The following CTDSPL variants were observed in gnomAD, a reference collection of about 807,000 sequenced individuals.
The protein encoded by CTDSPL is CTD small phosphatase like.
In CTDSPL, 8 loss-of-function variants were observed where a neutral mutation model predicts 30.5. The observed-to-expected ratio is 0.26, with a 90% CI of 0.15 to 0.47. The LOEUF is 0.47. Among genes scored for constraint, CTDSPL ranks in the 20% least tolerant of loss-of-function variants. The pLI, the probability that CTDSPL is intolerant of heterozygous loss-of-function variation, is 0.99. For missense variants in CTDSPL, 248 were observed against 366.1 expected (o/e 0.68, Z 2.63); for synonymous variants, 110 against 137.9 (o/e 0.80, Z 1.42).
chr3:37,960,159 A>G (rs1334086218), intron 3 of CTDSPL, among the ~76,000 whole-genome samples: 2 of 152,070 alleles, frequency 1.3e-5, no homozygotes, highest in East Asian at 1.9e-4. Context: ...CAGCCTGACC[A>G]ACATGGAGAA....
intron 1 of CTDSPL, among the ~76,000 whole-genome samples, chr3:37,902,687 A>G (rs1244808779): frequency 6.6e-6 from 1 of 151,832 alleles, no homozygotes; most frequent in African/African-American, 2.4e-5. Context: ...CTCACATTCA[A>G]ACCCCCCACA....
intron 1 of CTDSPL, among the ~76,000 whole-genome samples, chr3:37,946,773 G>A (rs1323214152): frequency 7.2e-5 from 11 of 152,174 alleles, no homozygotes; most frequent in African/African-American, 2.2e-4. Context: ...CCCTGTGGGT[G>A]GGTCAGTTAA....
At chr3:37,946,638 G>A (rs1435857293) in intron 1 of CTDSPL, among the ~76,000 whole-genome samples, 7 of 152,226 alleles carry the variant, frequency 4.6e-5, no homozygotes, top group Non-Finnish European at 1.0e-4. Context: ...TATCCATAAT[G>A]GAGAGATGCT....
intron 5 of CTDSPL, among the ~76,000 whole-genome samples, chr3:37,968,805 G>T (rs760486128): frequency 1.3e-5 from 2 of 152,220 alleles, no homozygotes; most frequent in Admixed American, 1.3e-4. Context: ...CTGAGGCTCC[G>T]CCAGGGAAGG....
chr3:37,882,543 G>A (rs1199300840), intron 1 of CTDSPL, among the ~76,000 whole-genome samples: 1 of 152,048 alleles, frequency 6.6e-6, no homozygotes, highest in African/African-American at 2.4e-5. Flanking sequence ...CTTGAACCCA[G>A]GAGGCAGAGG....
rs1171998602 is a variant in CTDSPL, at chr3:37,902,805, C to T, written c.79+40527C>T. ...GGGGTCACCGGTCACCCGTTAACTA[C>T]AGGACACATTGTGGCTGCTTTCCTC... On this transcript the variant is annotated intron_variant, in intron 1 of 7. Transcript: ENST00000273179. Among the ~76,000 whole-genome samples, 5 of 152,304 alleles carry T rather than the reference C, an allele frequency of 3.3e-5. No individual in the cohort carries two copies. In the South Asian group the frequency reaches 8.3e-4, roughly 25 times the overall value.
chr3:37,941,405 TTCTA>T (rs755984524), intron 1 of CTDSPL, among the ~76,000 whole-genome samples: 2 of 149,564 alleles, frequency 1.3e-5, no homozygotes, highest in South Asian at 2.2e-4. Flanking sequence ...CATGCTTTCT[TTCTA>T]TCTTTTTTTC....
rs143987655 is a variant in CTDSPL, at chr3:37,936,920, G to A, written c.80-10137G>A. ...AAATCTGCGATGGATTACCTTCTTAGTTCTGCTCTTGTGATGAGAAAGAAG... is the reference window on the plus strand; with the variant it reads ...AAATCTGCGATGGATTACCTTCTTAATTCTGCTCTTGTGATGAGAAAGAAG... On this transcript the variant is annotated intron_variant, in intron 1 of 7. Coordinates refer to ENST00000273179, the MANE Select transcript of CTDSPL (RefSeq NM_001008392.2). 7.1e-3 allele frequency among the ~76,000 whole-genome samples: 1,085 copies of A among 151,792 alleles called. 24 individuals carry two copies. Among genetic ancestry groups the A allele is most frequent in the African/African-American group, 0.024 (1,007 of 41,516 alleles).
intron 6 of CTDSPL, among the ~76,000 whole-genome samples, chr3:37,973,132 G>A (rs565035381): frequency 3.9e-5 from 6 of 152,302 alleles, no homozygotes; most frequent in South Asian, 2.1e-4. Context: ...CAAAATCCTC[G>A]TCCTTATTTT....
In CTDSPL at chr3:37,927,929, G is replaced by T. The variant is rs563263115; in HGVS notation, c.80-19128G>T. Among the ~76,000 whole-genome samples the T allele has an allele frequency of 2.9e-4, 44 of 151,934 alleles. 1 individual carries two copies. The highest frequency in any genetic ancestry group is 8.3e-4 in the South Asian group (4 of 4,798). ...CCTGCATTAAATACCTCATGTAAGT[G>T]GAATCATACAGTATTTGTTCTGTGA... On this transcript the variant is annotated intron_variant, in intron 1 of 7. Transcript: ENST00000273179.
At chr3:37,951,987 T>C (rs1429847444) in intron 2 of CTDSPL, among the ~76,000 whole-genome samples, 1 of 152,156 alleles carries the variant, frequency 6.6e-6, no homozygotes, top group African/African-American at 2.4e-5. Context: ...AGAATATACC[T>C]GTCATCAAAT....
chr3:37,972,665 TTA>T (rs1196598815), intron 6 of CTDSPL, among the ~76,000 whole-genome samples: 5 of 152,232 alleles, frequency 3.3e-5, no homozygotes, highest in Non-Finnish European at 7.4e-5. Context: ...CCAGTATGGT[TTA>T]GTCTCCCCCT....
At chr3:37,902,864 G>C (rs1698467673) in intron 1 of CTDSPL, among the ~76,000 whole-genome samples, 1 of 152,188 alleles carries the variant, frequency 6.6e-6, no homozygotes, top group African/African-American at 2.4e-5. Context: ...AGTGCTCACT[G>C]GATCCCACAT....
chr3:37,918,038 G>C (rs954143325), intron 1 of CTDSPL, among the ~76,000 whole-genome samples: 1 of 152,166 alleles, frequency 6.6e-6, no homozygotes, highest in Non-Finnish European at 1.5e-5. Flanking sequence ...TTCTAAGTGA[G>C]GGGAGATGGG....
At chr3:37,959,382 G>T (rs1191311734) in intron 3 of CTDSPL, among the ~76,000 whole-genome samples, 1 of 152,230 alleles carries the variant, frequency 6.6e-6, no homozygotes, top group Non-Finnish European at 1.5e-5. Context: ...GAAGTTGAAA[G>T]ATTAAAGCAA....
At chr3:37,935,519 A>G (rs1471138854) in intron 1 of CTDSPL, among the ~76,000 whole-genome samples, 1 of 152,166 alleles carries the variant, frequency 6.6e-6, no homozygotes, top group African/African-American at 2.4e-5. Flanking sequence ...AATCTGGTTT[A>G]TGTCCAGCCC....
intron 3 of CTDSPL, among the ~76,000 whole-genome samples, chr3:37,960,410 G>A (rs1380367237): frequency 6.9e-6 from 1 of 145,580 alleles, no homozygotes; most frequent in Non-Finnish European, 1.5e-5. Context: ...AACCCGGGAG[G>A]TGGAGGTTGC....
At chr3:37,945,216 G>A (rs9811468) in intron 1 of CTDSPL, among the ~76,000 whole-genome samples, 6,893 of 150,168 alleles carry the variant, frequency 0.046, 533 homozygotes, top group African/African-American at 0.14. Context: ...ATGGTTTAAC[G>A]AATCATTTAT....
chr3:37,886,343 C>A (rs1426527389), intron 1 of CTDSPL, among the ~76,000 whole-genome samples: 1 of 152,188 alleles, frequency 6.6e-6, no homozygotes, highest in Non-Finnish European at 1.5e-5. Context: ...ACTTCCCTCA[C>A]AGCCTCACAT....
Sources: gnomAD v4.1 joint callset for allele counts (sites outside exome capture counted in the v4.1 genomes callset) on GRCh38, gnomAD v4.1.1 for gene constraint, MANE v1.5 for transcripts, NCBI Gene and HGNC (gene_info 2026-07-23, HGNC 2026-07-21) for gene names.